ST3GAL4: variants seen among roughly 807,000 people sequenced by gnomAD.
ST3GAL4 encodes the protein CMP-N-acetylneuraminate-beta-galactosamide-alpha-2,3-sialyltransferase 4.
Under a neutral mutation model 42.6 loss-of-function variants are expected in ST3GAL4, and 24 were observed. The observed-to-expected ratio is 0.56, with a 90% CI of 0.41 to 0.79. The LOEUF is 0.79. ST3GAL4 is among the 30% of genes least tolerant of loss of function. The probability of loss-of-function intolerance (pLI) is 0.00; values close to 1 mark genes in which losing one functional copy is unlikely to be tolerated. For synonymous variants in ST3GAL4, 135 were observed against 163.2 expected, an observed-to-expected ratio of 0.83 and a Z score of 1.32; for missense variants, 311 against 430.8, an observed-to-expected ratio of 0.72 and a Z score of 2.46.
chr11:126,369,778 T>G (rs575042174), intron 1 of ST3GAL4, among the ~76,000 whole-genome samples: 1 of 152,296 alleles, frequency 6.6e-6, no homozygotes, highest in Admixed American at 6.5e-5. Context: ...AATGGGAATA[T>G]GAGAGAAAGT....
At position 126,409,509 on chromosome 11, in the gene ST3GAL4, A is replaced by G; in HGVS notation, c.771+98A>G. 2.0e-6 allele frequency: 3 copies of G among 1,531,954 alleles called. No homozygotes were observed. Among genetic ancestry groups the G allele is most frequent in the Non-Finnish European group, 8.9e-7 (1 of 1,123,872 alleles). 94.9% of individuals were successfully genotyped at this position (1,531,954 alleles called of 1,614,324 possible). Reference sequence around the variant, plus strand: ...GGAAGCCCTGGAAGGATCCCATAACAGAGGCGGCGGTTTGCATTTTCCCTC... The same window carrying G: ...GGAAGCCCTGGAAGGATCCCATAACGGAGGCGGCGGTTTGCATTTTCCCTC... On this transcript the variant is annotated intron_variant, in intron 9 of 10. Coordinates refer to ENST00000444328, the MANE Select transcript of ST3GAL4 (RefSeq NM_001254757.2). This position sits in a 1 kb window ranked among gnomAD's most constrained non-coding sequence, Gnocchi z 4.9.
rs1555082244 is a variant in ST3GAL4, at chr11:126,371,163, C to CTTATTTTTTTTTTTTTTT, written c.-61+15323_-61+15324insATTTTTTTTTTTTTTTTT. Among the ~76,000 whole-genome samples the CTTATTTTTTTTTTTTTTT allele has an allele frequency of 8.3e-3, 498 of 59,942 alleles. 49 individuals are homozygous for CTTATTTTTTTTTTTTTTT. Among genetic ancestry groups the CTTATTTTTTTTTTTTTTT allele is most frequent in the South Asian group, 0.044 (50 of 1,148 alleles). 39.3% of individuals were successfully genotyped at this position (59,942 alleles called of 152,430 possible). ...ATCTATTCTATTCTTCCCCACATTC[C>CTTATTTTTTTTTTTTTTT]TTTTTTTTTTTTTTTTTTTGAGATG... is the stretch of plus-strand genomic sequence containing the variant. On this transcript the variant is annotated intron_variant, in intron 1 of 10. Transcript: ENST00000444328.
rs895354134 is a variant in ST3GAL4 at position 126,396,818 on chromosome 11, C to T, written c.-60-9278C>T. 2.8e-4 allele frequency among the ~76,000 whole-genome samples: 43 copies of T among 151,926 alleles called. 1 individual carries two copies. Among genetic ancestry groups the T allele is most frequent in the African/African-American group, 9.9e-4 (41 of 41,330 alleles). On this transcript the variant is annotated intron_variant, in intron 1 of 10. Transcript: ENST00000444328. This position sits in a 1 kb window ranked among gnomAD's most constrained non-coding sequence, Gnocchi z 5.8. ...GGGCCGGTTACTGACCCCTTTCCCA[C>T]CTTAGTTCCCTGGCTCTACAATGGA...
At chr11:126,364,459 G>GTGGA (rs1271461632) in intron 1 of ST3GAL4, among the ~76,000 whole-genome samples, 61 of 141,296 alleles carry the variant, frequency 4.3e-4, no homozygotes, top group African/African-American at 1.2e-3. Flanking sequence ...ACTTCTGCTT[G>GTGGA]TGGATGCTTT....
intron 1 of ST3GAL4, among the ~76,000 whole-genome samples, chr11:126,382,643 C>T (rs1410499150): frequency 6.6e-6 from 1 of 152,146 alleles, no homozygotes; most frequent in Non-Finnish European, 1.5e-5. Context: ...CTTGGCATGA[C>T]CCCTGGCATC....
rs1953739427 is a variant in ST3GAL4, at chr11:126,396,032, C to G, written c.-60-10064C>G. 6.6e-6 allele frequency among the ~76,000 whole-genome samples: 1 copy of G among 151,052 alleles called. No homozygotes were observed. Among genetic ancestry groups the G allele is most frequent in the Admixed American group, 6.6e-5 (1 of 15,218 alleles). ...AGGAGGAGTTTTACAGATGACCGGT[C>G]TGTTCTTGGCACTTGCAATTAGCGG... is the stretch of plus-strand genomic sequence containing the variant. On this transcript the variant is annotated intron_variant, in intron 1 of 10. Transcript: ENST00000444328. The surrounding 1 kb of genome is among the most constrained non-coding windows in gnomAD (Gnocchi z 5.8).
At chr11:126,412,075 G>C (rs932825290) in intron 9 of ST3GAL4, among the ~76,000 whole-genome samples, 4 of 152,074 alleles carry the variant, frequency 2.6e-5, no homozygotes, top group African/African-American at 9.7e-5. Flanking sequence ...ACCAATTCTG[G>C]GTTTCTAGCT....
chr11:126,383,013 G>T lies in ST3GAL4; in HGVS notation c.-60-23083G>T, dbSNP rs976362526. 3.3e-5 allele frequency among the ~76,000 whole-genome samples: 5 copies of T among 152,222 alleles called. No homozygotes were observed. Among genetic ancestry groups the T allele is most frequent in the African/African-American group, 9.6e-5 (4 of 41,462 alleles). ...TGGGACTGGGCACAGGTGCAGAGAGGCTGAGACAGGCCCAGAGGACAGTGA... is the reference window on the plus strand; with the variant it reads ...TGGGACTGGGCACAGGTGCAGAGAGTCTGAGACAGGCCCAGAGGACAGTGA... On this transcript the variant is annotated intron_variant, in intron 1 of 10. Transcript: ENST00000444328. This position sits in a 1 kb window ranked among gnomAD's most constrained non-coding sequence, Gnocchi z 4.5.
At chr11:126,405,259 G>A (rs938577913) in intron 1 of ST3GAL4, among the ~76,000 whole-genome samples, 2 of 152,274 alleles carry the variant, frequency 1.3e-5, no homozygotes, top group East Asian at 1.9e-4. Flanking sequence ...TGACTGCAGC[G>A]TGGCCCTGGC....
chr11:126,373,638 G>A lies in ST3GAL4; in HGVS notation c.-61+17796G>A, dbSNP rs1167827733. On this transcript the variant is annotated intron_variant, in intron 1 of 10. Coordinates refer to ENST00000444328, the MANE Select transcript of ST3GAL4 (RefSeq NM_001254757.2). This position sits in a 1 kb window ranked among gnomAD's most constrained non-coding sequence, Gnocchi z 5.5. ...GAGGGGGTCGTGGTGGGTAGCCTGT[G>A]GAGCCTGAGGGTGGGAACAGAGAGA... Among the ~76,000 whole-genome samples, 2 of 152,126 alleles carry A rather than the reference G, an allele frequency of 1.3e-5. No individual in the cohort carries two copies. The highest frequency in any genetic ancestry group is 2.9e-5 in the Non-Finnish European group (2 of 68,010).
At chr11:126,361,271 C>T (rs1952231824) in intron 1 of ST3GAL4, among the ~76,000 whole-genome samples, 1 of 152,200 alleles carries the variant, frequency 6.6e-6, no homozygotes, top group Non-Finnish European at 1.5e-5. Flanking sequence ...CCACATTTGC[C>T]TCCTCCTGAA....
rs1953839121 is a variant in ST3GAL4 at position 126,397,712 on chromosome 11, T to A, written c.-60-8384T>A. Reference sequence around the variant, plus strand: ...TCTGGAGGCTCGGATGTCCAAGATCTAGAGGACACATCCGGTGAGGGTCTT... The same window carrying A: ...TCTGGAGGCTCGGATGTCCAAGATCAAGAGGACACATCCGGTGAGGGTCTT... On this transcript the variant is annotated intron_variant, in intron 1 of 10. Transcript: ENST00000444328. This position sits in a 1 kb window ranked among gnomAD's most constrained non-coding sequence, Gnocchi z 5.0. Among the ~76,000 whole-genome samples the A allele has an allele frequency of 6.6e-6, 1 of 152,184 alleles. No homozygotes were observed. The highest frequency in any genetic ancestry group is 2.4e-5 in the African/African-American group (1 of 41,434).
intron 1 of ST3GAL4, chr11:126,405,809 C>G: frequency 2.2e-6 from 1 of 444,870 alleles, no homozygotes; most frequent in South Asian, 2.6e-5. Context: ...AAGAACCACA[C>G]CAGAGAGGCT....
In ST3GAL4 at chr11:126,406,896, C is replaced by A. The variant is rs1954259018; in HGVS notation, c.102-47C>A. 1 of 1,554,032 alleles carries A rather than the reference C, an allele frequency of 6.4e-7. No homozygotes were observed. Among genetic ancestry groups the A allele is most frequent in the Admixed American group, 1.7e-5 (1 of 59,812 alleles). ...GCTTAGGCTGCCTGGAACATGGGTC[C>A]CTGGGTCTGACTGGGGCTTCTGCCT... is the stretch of plus-strand genomic sequence containing the variant. On this transcript the variant is annotated intron_variant, in intron 3 of 10. Coordinates refer to ENST00000444328, the MANE Select transcript of ST3GAL4 (RefSeq NM_001254757.2). The surrounding 1 kb of genome is among the most constrained non-coding windows in gnomAD (Gnocchi z 5.4).
rs1953836319 is a variant in ST3GAL4, at chr11:126,397,621, G to A, written c.-60-8475G>A. 6.6e-6 allele frequency among the ~76,000 whole-genome samples: 1 copy of A among 152,172 alleles called. No individual in the cohort carries two copies. The highest frequency in any genetic ancestry group is 1.5e-5 in the Non-Finnish European group (1 of 68,032). ...GAGGGTTAGGATGTTATCTTAGTCT[G>A]TTTTGTGCTGCCATTACCACCAAGT... On this transcript the variant is annotated intron_variant, in intron 1 of 10. Coordinates refer to ENST00000444328, the MANE Select transcript of ST3GAL4 (RefSeq NM_001254757.2). The surrounding 1 kb of genome is among the most constrained non-coding windows in gnomAD (Gnocchi z 5.0).
At chr11:126,385,719 A>G (rs964651456) in intron 1 of ST3GAL4, among the ~76,000 whole-genome samples, 7 of 152,008 alleles carry the variant, frequency 4.6e-5, no homozygotes, top group Non-Finnish European at 1.0e-4. Flanking sequence ...ATGATTTAAA[A>G]GTGAATTCAG....
In ST3GAL4 at chr11:126,398,865, C is replaced by T. The variant is rs1366443969; in HGVS notation, c.-60-7231C>T. On this transcript the variant is annotated intron_variant, in intron 1 of 10. Transcript: ENST00000444328. The surrounding 1 kb of genome is among the most constrained non-coding windows in gnomAD (Gnocchi z 4.7). ...CCCATTTAAGCCATGGCTGGGGAGG[C>T]AGAGGAGCACTGTGCCCAAATGTGG... 6.6e-6 allele frequency among the ~76,000 whole-genome samples: 1 copy of T among 152,128 alleles called. No individual in the cohort carries two copies.
chr11:126,367,586 C>A (rs12274111), intron 1 of ST3GAL4, among the ~76,000 whole-genome samples: 1,545 of 152,280 alleles, frequency 0.01, 24 homozygotes, highest in African/African-American at 0.033. Flanking sequence ...GCGGACGTTA[C>A]AAACCAGGAT....
At position 126,366,566 on chromosome 11, in the gene ST3GAL4, C is replaced by T. The variant is rs1952434320; in HGVS notation, c.-61+10724C>T. Among the ~76,000 whole-genome samples, 1 of 152,166 alleles carries T rather than the reference C, an allele frequency of 6.6e-6. No individual in the cohort carries two copies. The highest frequency in any genetic ancestry group is 2.4e-5 in the African/African-American group (1 of 41,440). The stretch of plus-strand genomic sequence containing the variant: ...GAGTCCTCATCTGGGGGCCCTGTTC[C>T]ACTCTCCTTCCCGTGTGCAGGGCCC... On this transcript the variant is annotated intron_variant, in intron 1 of 10. Coordinates refer to ENST00000444328, the MANE Select transcript of ST3GAL4 (RefSeq NM_001254757.2). The surrounding 1 kb of genome is among the most constrained non-coding windows in gnomAD (Gnocchi z 4.2).
Sources: gnomAD v4.1 joint callset for allele counts (sites outside exome capture counted in the v4.1 genomes callset) on GRCh38, gnomAD v4.1.1 for gene constraint, Gnocchi (gnomAD v3.1) non-coding constraint, MANE v1.5 for transcripts, NCBI Gene and HGNC (gene_info 2026-07-23, HGNC 2026-07-21) for gene names.